NOX4: variants seen among roughly 807,000 people sequenced by gnomAD.
NOX4 encodes kidney oxidase-1.
NOX4 carries 69 observed loss-of-function variants against 87.6 expected under a neutral mutation model. That is an observed-to-expected ratio of 0.79 (90% CI 0.65 to 0.96). NOX4 has a LOEUF of 0.96. Ranked by LOEUF, NOX4 falls within the 40% of genes least tolerant of loss-of-function variation. NOX4 has a pLI of 0.00. For missense variants in NOX4, 680 were observed against 681.5 expected (o/e 1.00, Z 0.02); for synonymous variants, 275 against 238.2 (o/e 1.15, Z -1.42).
chr11:89,529,551 C>T, the NOX4 span, among the ~76,000 whole-genome samples: 1 of 152,142 alleles, frequency 6.6e-6, no homozygotes, highest in Admixed American at 6.6e-5. Flanking sequence ...GTTAAAAAGA[C>T]ATACATATGA....
chr11:89,435,204 T>C (rs754123052), intron 6 of NOX4, among the ~76,000 whole-genome samples: 6 of 152,066 alleles, frequency 3.9e-5, no homozygotes, highest in Admixed American at 6.6e-5. Flanking sequence ...AGAAAACCTT[T>C]ATTTGTCCAC....
the NOX4 span, among the ~76,000 whole-genome samples, chr11:89,578,907 T>G: frequency 1.5e-4 from 23 of 152,202 alleles, no homozygotes; most frequent in East Asian, 4.3e-3. Flanking sequence ...CAGTCAAGAG[T>G]GTTCACTTCA....
At chr11:89,553,070 A>G in the NOX4 span, among the ~76,000 whole-genome samples, 1 of 152,064 alleles carries the variant, frequency 6.6e-6, no homozygotes, top group Non-Finnish European at 1.5e-5. Context: ...AACCTGCCCC[A>G]TCTCTATCCC....
chr11:89,382,173 C>A (rs1940336474), intron 11 of NOX4, among the ~76,000 whole-genome samples: 1 of 152,010 alleles, frequency 6.6e-6, no homozygotes, highest in Non-Finnish European at 1.5e-5. Flanking sequence ...CACCCCTTCT[C>A]TCCGTGTCCC....
At chr11:89,449,590 G>A (rs540690037) in intron 3 of NOX4, 66 bp from the exon 4 acceptor site, 9 of 1,271,874 alleles carry the variant, frequency 7.1e-6, no homozygotes, top group Non-Finnish European at 1.0e-5. Flanking sequence ...TTTCAGTATA[G>A]CATTGTTCAT....
At chr11:89,432,671 C>A (rs1943866936) in intron 7 of NOX4, 113 bp downstream of exon 7, 1 of 730,580 alleles carries the variant, frequency 1.4e-6, no homozygotes, top group Non-Finnish European at 2.4e-6. Context: ...CTCTTACTTA[C>A]CCAGAATAGT....
At chr11:89,343,777 T>C (rs1565179544) in intron 13 of NOX4, among the ~76,000 whole-genome samples, 3 of 152,140 alleles carry the variant, frequency 2.0e-5, no homozygotes, top group Non-Finnish European at 4.4e-5. Context: ...TGCTATAACA[T>C]AGTAGAGATG....
At chr11:89,350,119 A>T (rs1666516453) in intron 13 of NOX4, among the ~76,000 whole-genome samples, 1 of 152,062 alleles carries the variant, frequency 6.6e-6, no homozygotes, top group African/African-American at 2.4e-5. Flanking sequence ...GAGAATTTTC[A>T]TGGAGCAATG....
At chr11:89,482,206 AC>A (rs1357796753) in intron 2 of NOX4, among the ~76,000 whole-genome samples, 1 of 151,980 alleles carries the variant, frequency 6.6e-6, no homozygotes, top group East Asian at 1.9e-4. Context: ...CCTGGGAAGG[AC>A]CCTTTTGCCA....
intron 2 of NOX4, among the ~76,000 whole-genome samples, chr11:89,452,602 C>T (rs1400680431): frequency 6.6e-6 from 1 of 151,826 alleles, no homozygotes; most frequent in Non-Finnish European, 1.5e-5. Context: ...TGTATGGGTA[C>T]AATATGATGT....
intron 2 of NOX4, among the ~76,000 whole-genome samples, chr11:89,473,140 G>A (rs965234988): frequency 1.3e-5 from 2 of 152,056 alleles, no homozygotes; most frequent in Non-Finnish European, 2.9e-5. Flanking sequence ...AAAACTTACA[G>A]AGCATTTGAT....
the NOX4 span, among the ~76,000 whole-genome samples, chr11:89,573,052 T>C: frequency 2.2e-4 from 34 of 152,326 alleles, no homozygotes; most frequent in Non-Finnish European, 3.8e-4. Flanking sequence ...AATTAATTGA[T>C]ACTCTCTTCC....
the NOX4 span, among the ~76,000 whole-genome samples, chr11:89,537,052 C>G: frequency 6.6e-6 from 1 of 152,144 alleles, no homozygotes; most frequent in Non-Finnish European, 1.5e-5. Flanking sequence ...GTAAGCTGCA[C>G]TGGTGTGAAA....
chr11:89,481,615 T>C (rs893831470), intron 2 of NOX4, among the ~76,000 whole-genome samples: 16 of 152,126 alleles, frequency 1.1e-4, no homozygotes, highest in Admixed American at 6.6e-4. Flanking sequence ...TAATTATTTT[T>C]CTCTCCAGAA....
At chr11:89,369,103 G>A (rs1003159160) in intron 12 of NOX4, among the ~76,000 whole-genome samples, 7 of 151,958 alleles carry the variant, frequency 4.6e-5, no homozygotes, top group Admixed American at 3.9e-4. Flanking sequence ...TTTATTCAGG[G>A]CTCTGTTCAG....
chr11:89,461,042 G>T (rs1429646082), intron 2 of NOX4, among the ~76,000 whole-genome samples: 1 of 152,116 alleles, frequency 6.6e-6, no homozygotes, highest in Non-Finnish European at 1.5e-5. Flanking sequence ...ATCATTCTCA[G>T]CAAACTGTTG....
rs1432069640 is a variant in NOX4 at position 89,424,574 on chromosome 11, C to T, written c.549-2592G>A. Among the ~76,000 whole-genome samples the T allele has an allele frequency of 1.3e-5, 2 of 151,540 alleles. 1 individual carries two copies. ...CTCTTGAGTATAACCCCAATACTGG[C>T]TTTTATATTTTTTAATTCTACAATG... On this transcript the variant is annotated intron_variant, in intron 7 of 17. Transcript: ENST00000263317.
At chr11:89,461,614 C>T (rs1199553856) in intron 2 of NOX4, among the ~76,000 whole-genome samples, 7 of 135,288 alleles carry the variant, frequency 5.2e-5, no homozygotes, top group Non-Finnish European at 9.5e-5. Flanking sequence ...CACTGCACTC[C>T]GACCTGGGCA....
chr11:89,451,729 G>A (rs959384367), intron 3 of NOX4, 56 bp downstream of exon 3: 6 of 1,171,720 alleles, frequency 5.1e-6, no homozygotes, highest in Admixed American at 3.4e-5. Context: ...ACTAACATGC[G>A]ACTGTTACAC....
Sources: allele counts gnomAD v4.1 joint callset (sites outside exome capture counted in the v4.1 genomes callset), GRCh38; gene constraint gnomAD v4.1.1; transcripts MANE v1.5; gene names NCBI Gene and HGNC (gene_info 2026-07-23, HGNC 2026-07-21).